Variants in MYH11 observed in about 807,000 individuals in gnomAD.
The protein encoded by MYH11 is myosin-11.
Under a neutral mutation model 246.6 loss-of-function variants are expected in MYH11, and 80 were observed. That is an observed-to-expected ratio of 0.32 (90% CI 0.27 to 0.39). The LOEUF is 0.39. MYH11 is among the 10% of genes least tolerant of loss of function. The pLI is 1.00. For synonymous variants in MYH11, 1,071 were observed against 1,015.5 expected (o/e 1.05, Z -1.04); for missense variants, 2,158 against 2,546.8 (o/e 0.85, Z 3.29).
At chr16:15,771,834 G>A (rs1050305303) in intron 8 of MYH11, 122 bp from the exon 9 acceptor site, 110 of 1,292,556 alleles carry the variant, frequency 8.5e-5, no homozygotes, top group Admixed American at 1.4e-4. Context: ...GGCTTGAACC[G>A]TTTAAAGCCC....
chr16:15,707,897 A>G (rs898931029), intron 40 of MYH11, among the ~76,000 whole-genome samples: 8 of 147,992 alleles, frequency 5.4e-5, no homozygotes, highest in African/African-American at 2.0e-4. Context: ...GCTTGAACCC[A>G]GGAGGCAAAG....
At chr16:15,798,968 C>T (rs1298994439) in intron 3 of MYH11, among the ~76,000 whole-genome samples, 6 of 152,154 alleles carry the variant, frequency 3.9e-5, no homozygotes, top group East Asian at 3.9e-4. Context: ...GGAGGTGTCC[C>T]GGGAGGCCCA....
Position 15,719,676 on chromosome 16 carries a change from G to A in MYH11, c.4991C>T (p.Ala1664Val), listed in dbSNP as rs2040362704. 1 of 1,614,146 alleles carries A rather than the reference G, an allele frequency of 6.2e-7. No homozygotes were observed. Among genetic ancestry groups the A allele is most frequent in the Non-Finnish European group, 8.5e-7 (1 of 1,180,030 alleles). ...MKDFQRELED[A>V]RASRDEIFAT... ...AAAGATCTCATCTCTGGAGGCACGG[G>A]CATCTTCCAGCTCTCTTTGAAAGTC... is the stretch of plus-strand genomic sequence containing the variant. Residue 1664 changes from alanine to valine, a missense_variant, in exon 35 of 41, where the codon GCC becomes GTC. By Grantham distance (64) the Ala-to-Val change is moderately conservative. Around this residue, in one of 11 missense-constraint regions of MYH11, gnomAD observed 1,013 missense variants for 993.5 expected, o/e 1.02. Transcript: ENST00000300036.
intron 30 of MYH11, 62 bp downstream of exon 30, chr16:15,724,585 G>A: frequency 1.2e-6 from 2 of 1,610,672 alleles, no homozygotes; most frequent in Non-Finnish European, 8.5e-7. Flanking sequence ...CTGCCTGCGG[G>A]GGATCTCAGC....
chr16:15,820,507 CAAAA>C (rs961655002), intron 3 of MYH11, among the ~76,000 whole-genome samples: 20 of 147,450 alleles, frequency 1.4e-4, no homozygotes, highest in African/African-American at 5.0e-4. Flanking sequence ...GAAAGAAAGA[CAAAA>C]GAAAGAAAAA....
At chr16:15,775,782 G>A (rs1164440429) in intron 8 of MYH11, 1 of 463,844 alleles carries the variant, frequency 2.2e-6, no homozygotes, top group South Asian at 2.9e-5. Flanking sequence ...CGTAGATTGT[G>A]TCTAGTTGGA....
chr16:15,852,334 CTTTT>C (rs4006745), intron 1 of MYH11, among the ~76,000 whole-genome samples: 1 of 129,164 alleles, frequency 7.7e-6, no homozygotes, highest in Non-Finnish European at 1.6e-5. Flanking sequence ...TTTGCAATGC[CTTTT>C]TTTTTTTTTT....
intron 40 of MYH11, among the ~76,000 whole-genome samples, chr16:15,705,483 C>T (rs1245005520): frequency 2.0e-5 from 3 of 152,178 alleles, no homozygotes; most frequent in African/African-American, 7.2e-5. Context: ...CAGCCTTCAC[C>T]GTTCAGAAGA....
intron 36 of MYH11, 25 bp from the exon 37 acceptor site, chr16:15,718,463 G>A (rs933924432): frequency 5.2e-6 from 8 of 1,542,570 alleles, no homozygotes; most frequent in South Asian, 1.2e-5. Context: ...GCCATGGTGG[G>A]GGCCTCTACC....
intron 13 of MYH11, 140 bp from the exon 14 acceptor site, chr16:15,756,654 T>C: frequency 1.2e-6 from 1 of 868,714 alleles, no homozygotes; most frequent in South Asian, 1.5e-5. Flanking sequence ...GATGAGTTTA[T>C]GACCCCCATG....
rs560568867 is a variant in MYH11, at chr16:15,841,381, A to G, written c.-17-3112T>C. On this transcript the variant is annotated intron_variant, in intron 1 of 40. Transcript: ENST00000300036. ...TCAAACTCCTGACCTCAAGTGATCC[A>G]CCAGCCTCGGGCTCTCAAAGTGAAG... Among the ~76,000 whole-genome samples, 10 of 152,292 alleles carry G rather than the reference A, an allele frequency of 6.6e-5. No individual in the cohort carries two copies. The South Asian group carries it at 2.1e-3, about 32-fold the overall frequency.
chr16:15,809,282 A>G (rs2043085241), intron 3 of MYH11, among the ~76,000 whole-genome samples: 1 of 152,214 alleles, frequency 6.6e-6, no homozygotes, highest in Non-Finnish European at 1.5e-5. Context: ...CTGTAATTCC[A>G]GCACTTTGGG....
At chr16:15,712,609 T>C (rs11859586) in intron 40 of MYH11, among the ~76,000 whole-genome samples, 1,785 of 152,158 alleles carry the variant, frequency 0.012, 40 homozygotes, top group African/African-American at 0.041. Flanking sequence ...GAGAACTAAG[T>C]TGATACCCTG....
chr16:15,752,118 G>C (rs1388074441), intron 15 of MYH11, among the ~76,000 whole-genome samples: 5 of 151,528 alleles, frequency 3.3e-5, no homozygotes, highest in Non-Finnish European at 5.9e-5. Flanking sequence ...GCTTGTCTTT[G>C]AGAGTCTCAT....
intron 34 of MYH11, 110 bp downstream of exon 34, chr16:15,720,041 C>G (rs2040383037): frequency 1.4e-6 from 2 of 1,444,040 alleles, no homozygotes; most frequent in Non-Finnish European, 1.9e-6. Flanking sequence ...TGAACCCACA[C>G]CAATGGCAGG....
At chr16:15,782,105 C>T (rs1466476742) in intron 6 of MYH11, among the ~76,000 whole-genome samples, 2 of 151,944 alleles carry the variant, frequency 1.3e-5, no homozygotes, top group African/African-American at 4.8e-5. Flanking sequence ...GGTCTAGAAC[C>T]CCTGGGCTCA....
At chr16:15,708,840 C>A in intron 40 of MYH11, 1 of 1,610,054 alleles carries the variant, frequency 6.2e-7, no homozygotes, top group Non-Finnish European at 8.5e-7. Flanking sequence ...GGGGGGGGCC[C>A]TCTGAAACAG....
At chr16:15,737,714 G>C in intron 24 of MYH11, 94 bp from the exon 25 acceptor site, 1 of 1,358,070 alleles carries the variant, frequency 7.4e-7, no homozygotes, top group East Asian at 2.3e-5. Context: ...CGGAGGAGAT[G>C]AACACATCCC....
intron 6 of MYH11, among the ~76,000 whole-genome samples, chr16:15,780,642 C>A (rs2042332121): frequency 6.6e-6 from 1 of 151,662 alleles, no homozygotes; most frequent in African/African-American, 2.4e-5. Context: ...GTCACTGCGC[C>A]CAGCTAATTT....
Sources: allele counts gnomAD v4.1 joint callset (sites outside exome capture counted in the v4.1 genomes callset), GRCh38; gene constraint gnomAD v4.1.1; regional missense constraint gnomAD v4.1.1; transcripts MANE v1.5; gene names NCBI Gene and HGNC (gene_info 2026-07-23, HGNC 2026-07-21).